The following GABRG3 variants were observed in gnomAD, a reference collection of about 807,000 sequenced individuals.
GABRG3 encodes the protein gamma-aminobutyric acid receptor subunit gamma-3.
GABRG3 carries 25 observed loss-of-function variants against 48.8 expected under a neutral mutation model. The ratio of observed to expected loss-of-function variants is 0.51; its 90% CI spans 0.37 to 0.72. GABRG3 has a LOEUF of 0.72. Ranked by LOEUF, GABRG3 falls within the 30% of genes least tolerant of loss-of-function variation. The pLI is 0.00. For missense variants in GABRG3, 394 were observed against 577.9 expected (o/e 0.68, Z 3.26); for synonymous variants, 227 against 217.6 (o/e 1.04, Z -0.38).
intron 5 of GABRG3, among the ~76,000 whole-genome samples, chr15:27,439,730 G>A (rs1888726030): frequency 6.6e-6 from 1 of 152,212 alleles, no homozygotes; most frequent in Non-Finnish European, 1.5e-5. Context: ...AGCCATCATA[G>A]CTGCAGGCAC....
intron 2 of GABRG3, among the ~76,000 whole-genome samples, chr15:26,981,942 C>T (rs978992882): frequency 2.0e-5 from 3 of 152,156 alleles, no homozygotes; most frequent in African/African-American, 7.2e-5. Flanking sequence ...TTTGAAGATG[C>T]GTGTCTAGTG....
Position 27,218,572 on chromosome 15 carries a change from G to A in GABRG3, c.271-108237G>A, listed in dbSNP as rs544579664. ...GCTGCTTGTGTTTCCGTTGCTCAGC[G>A]TCTCCACTCGGTTCCCATCTGTCTG... On this transcript the variant is annotated intron_variant, in intron 3 of 9. Coordinates refer to ENST00000615808, the MANE Select transcript of GABRG3 (RefSeq NM_033223.5). 2.6e-3 allele frequency among the ~76,000 whole-genome samples: 392 copies of A among 152,182 alleles called. 1 individual carries two copies. Among genetic ancestry groups the A allele is most frequent in the African/African-American group, 8.5e-3 (353 of 41,526 alleles).
intron 3 of GABRG3, among the ~76,000 whole-genome samples, chr15:27,085,191 G>A (rs981857186): frequency 2.0e-5 from 3 of 152,214 alleles, no homozygotes; most frequent in Non-Finnish European, 4.4e-5. Flanking sequence ...AAGTGCTGGA[G>A]AGGAGGGGAG....
At chr15:26,986,079 T>C (rs1221341486) in intron 2 of GABRG3, among the ~76,000 whole-genome samples, 1 of 152,184 alleles carries the variant, frequency 6.6e-6, no homozygotes, top group Non-Finnish European at 1.5e-5. Flanking sequence ...TCCTTCTCCA[T>C]GCACATCTGG....
At chr15:26,995,541 CTT>C (rs34201238) in intron 2 of GABRG3, among the ~76,000 whole-genome samples, 7,939 of 145,386 alleles carry the variant, frequency 0.055, 279 homozygotes, top group East Asian at 0.19. Flanking sequence ...CGTTTAATAT[CTT>C]TTTTTTTTTG....
In GABRG3 at chr15:27,328,834, C is replaced by T; in HGVS notation, c.520C>T (p.Gln174Ter). 1 of 1,614,050 alleles carries T rather than the reference C, an allele frequency of 6.2e-7. No homozygotes were observed. The highest frequency in any genetic ancestry group is 8.5e-7 in the Non-Finnish European group (1 of 1,179,882). Residue 174 changes from glutamine to a stop codon, truncating the protein, a stop_gained, in exon 5 of 10, where the codon CAG becomes TAG. Coordinates refer to ENST00000615808, the MANE Select transcript of GABRG3 (RefSeq NM_033223.5). LOFTEE classifies it high-confidence loss of function. ...CACCATCAATGCTGAGTGCCAGCTG[C>T]AGCTGCACAACTTCCCCATGGACGA... ...RLTINAECQL[Q>*]LHNFPMDEHS...
intron 3 of GABRG3, among the ~76,000 whole-genome samples, chr15:27,197,131 AT>A (rs996474854): frequency 2.0e-5 from 3 of 151,910 alleles, no homozygotes; most frequent in Non-Finnish European, 4.4e-5. Context: ...TTGAATTGTG[AT>A]TTTTTTTATT....
chr15:27,302,330 T>C (rs1440913562), intron 3 of GABRG3, among the ~76,000 whole-genome samples: 1 of 151,984 alleles, frequency 6.6e-6, no homozygotes, highest in East Asian at 1.9e-4. Context: ...TCTAAGCAGA[T>C]TGTGAAGAGT....
intron 3 of GABRG3, among the ~76,000 whole-genome samples, chr15:27,088,260 G>GGCGGGC (rs1255475591): frequency 1.3e-5 from 2 of 151,400 alleles, no homozygotes; most frequent in Non-Finnish European, 3.0e-5. Flanking sequence ...CGGGCGCGGG[G>GGCGGGC]GCGGGCGCGG....
At chr15:27,124,794 T>C (rs909788570) in intron 3 of GABRG3, among the ~76,000 whole-genome samples, 2 of 152,198 alleles carry the variant, frequency 1.3e-5, no homozygotes, top group Non-Finnish European at 2.9e-5. Context: ...AAAGGTTATC[T>C]CTGCTTATAA....
intron 3 of GABRG3, among the ~76,000 whole-genome samples, chr15:27,222,018 A>G (rs1203487596): frequency 2.6e-5 from 4 of 152,260 alleles, no homozygotes; most frequent in Non-Finnish European, 1.5e-5. Context: ...TCTTTAATAT[A>G]TTCTTTCTGC....
At chr15:27,318,931 T>C (rs1893326142) in intron 3 of GABRG3, among the ~76,000 whole-genome samples, 1 of 152,218 alleles carries the variant, frequency 6.6e-6, no homozygotes, top group South Asian at 2.1e-4. Flanking sequence ...TGGTCCAGAC[T>C]TGCAGTTAAG....
At chr15:27,363,698 G>C (rs1895097618) in intron 5 of GABRG3, 1 of 152,164 alleles carries the variant, frequency 6.6e-6, no homozygotes, top group Non-Finnish European at 1.5e-5. Flanking sequence ...CTCCACCTGG[G>C]AGGGGCATTT....
intron 3 of GABRG3, among the ~76,000 whole-genome samples, chr15:27,251,726 G>A (rs1002728367): frequency 6.6e-6 from 1 of 152,170 alleles, no homozygotes; most frequent in Non-Finnish European, 1.5e-5. Flanking sequence ...TAGCCTTTAT[G>A]TCTACACAGT....
intron 3 of GABRG3, among the ~76,000 whole-genome samples, chr15:27,209,394 T>G (rs976603389): frequency 6.6e-6 from 1 of 152,178 alleles, no homozygotes; most frequent in African/African-American, 2.4e-5. Context: ...CTTTCTTTCT[T>G]TTCTTTTTTT....
At position 27,490,408 on chromosome 15, in the gene GABRG3, T is replaced by C. The variant is rs187291773; in HGVS notation, c.712+9621T>C. ...GATTCCTTAGGAGTCCCCTGGGGAG[T>C]CAGGAGCTTACATAGGTGATGTCCA... On this transcript the variant is annotated intron_variant, in intron 6 of 9. Transcript: ENST00000615808. 1.4e-3 allele frequency among the ~76,000 whole-genome samples: 213 copies of C among 152,152 alleles called. 1 individual carries two copies. Among genetic ancestry groups the C allele is most frequent in the South Asian group, 3.7e-3 (18 of 4,814 alleles).
At chr15:27,058,902 A>G (rs898226470) in intron 3 of GABRG3, among the ~76,000 whole-genome samples, 3 of 152,204 alleles carry the variant, frequency 2.0e-5, no homozygotes, top group Admixed American at 6.5e-5. Context: ...ACTAAATGCA[A>G]CCGTCATCAC....
intron 3 of GABRG3, among the ~76,000 whole-genome samples, chr15:27,175,625 C>T (rs559793809): frequency 1.2e-4 from 19 of 152,298 alleles, no homozygotes; most frequent in African/African-American, 4.1e-4. Flanking sequence ...CTCACGGGGA[C>T]ATTACTGGCA....
At chr15:27,092,946 C>A (rs572987059) in intron 3 of GABRG3, among the ~76,000 whole-genome samples, 1 of 151,962 alleles carries the variant, frequency 6.6e-6, no homozygotes, top group African/African-American at 2.4e-5. Context: ...TTTGTAGATT[C>A]CTGCATGGTG....
Sources: allele counts gnomAD v4.1 joint callset (sites outside exome capture counted in the v4.1 genomes callset), GRCh38; gene constraint gnomAD v4.1.1; transcripts MANE v1.5; gene names NCBI Gene and HGNC (gene_info 2026-07-23, HGNC 2026-07-21).